The following CFAP96 variants were observed in gnomAD, a reference collection of about 807,000 sequenced individuals.
The protein encoded by CFAP96 is cilia-and flagella-associated protein 96.
At chr4:185,445,073 C>T in the CFAP96 span, 4 of 1,551,554 alleles carry the variant, frequency 2.6e-6, no homozygotes, top group African/African-American at 1.4e-5. Flanking sequence ...ATTTTCCACC[C>T]ACCAAGTGGA....
At chr4:185,438,607 A>G in the CFAP96 span, among the ~76,000 whole-genome samples, 1 of 152,048 alleles carries the variant, frequency 6.6e-6, no homozygotes, top group African/African-American at 2.4e-5. Flanking sequence ...AGTTACTGGC[A>G]ATTTTTTTAT....
chr4:185,445,146 A>G, the CFAP96 span: 2 of 1,542,664 alleles, frequency 1.3e-6, no homozygotes, highest in Non-Finnish European at 1.8e-6. Context: ...AATATCTTAC[A>G]CTTAGCTTAC....
chr4:185,447,401 T>C, the CFAP96 span, among the ~76,000 whole-genome samples: 1,278 of 152,168 alleles, frequency 8.4e-3, 21 homozygotes, highest in South Asian at 0.04. Context: ...AGGATGGACT[T>C]GATCTCCTGA....
the CFAP96 span, chr4:185,418,430 A>G: frequency 1 from 1,587,328 of 1,589,852 alleles, 792,428 homozygotes; most frequent in East Asian, 1. Flanking sequence ...GAAGACAGAT[A>G]GTTTGCTTAC....
At chr4:185,417,414 C>A in the CFAP96 span, among the ~76,000 whole-genome samples, 1 of 152,184 alleles carries the variant, frequency 6.6e-6, no homozygotes, top group Admixed American at 6.5e-5. Context: ...CCCAAACCAA[C>A]TTCATGTCCT....
At chr4:185,434,919 T>C in the CFAP96 span, among the ~76,000 whole-genome samples, 3 of 152,088 alleles carry the variant, frequency 2.0e-5, no homozygotes, top group African/African-American at 4.8e-5. Context: ...TTTTTGTGTT[T>C]TTAGTAGAGA....
the CFAP96 span, chr4:185,445,102 G>GAA: frequency 6.4e-7 from 1 of 1,551,578 alleles, no homozygotes; most frequent in Non-Finnish European, 8.7e-7. Context: ...CAGACCAGTT[G>GAA]AAAGTATAAT....
the CFAP96 span, among the ~76,000 whole-genome samples, chr4:185,439,835 T>C: frequency 6.8e-6 from 1 of 146,208 alleles, no homozygotes; most frequent in Non-Finnish European, 1.5e-5. Flanking sequence ...ATATACATAA[T>C]CTCATATATA....
chr4:185,413,875 AAAAT>A, the CFAP96 span: 1 of 1,588,388 alleles, frequency 6.3e-7, no homozygotes. Context: ...TGTAACTCCT[AAAAT>A]AAATCAGAAT....
chr4:185,447,216 C>G, the CFAP96 span, among the ~76,000 whole-genome samples: 2 of 149,350 alleles, frequency 1.3e-5, no homozygotes, highest in East Asian at 2.0e-4. Context: ...GAGTCTCACT[C>G]TGTCGCCCAG....
chr4:185,416,606 A>ATG, the CFAP96 span, among the ~76,000 whole-genome samples: 2 of 151,844 alleles, frequency 1.3e-5, no homozygotes, highest in Non-Finnish European at 2.9e-5. Context: ...TGAACGTGTT[A>ATG]TGTGTGTGTG....
the CFAP96 span, chr4:185,432,049 T>A: frequency 6.4e-7 from 1 of 1,551,648 alleles, no homozygotes; most frequent in Non-Finnish European, 8.7e-7. Flanking sequence ...AAATGTCAGA[T>A]CTTCAGGCAG....
chr4:185,422,615 A>C, the CFAP96 span: 10 of 1,202,762 alleles, frequency 8.3e-6, no homozygotes, highest in Non-Finnish European at 1.2e-5. Context: ...AAACAAACTC[A>C]TATTCATATA....
the CFAP96 span, among the ~76,000 whole-genome samples, chr4:185,439,866 A>G: frequency 1.3e-4 from 19 of 147,716 alleles, no homozygotes; most frequent in Admixed American, 1.2e-3. Context: ...GTTTTTTTAA[A>G]TTATAAAAAT....
the CFAP96 span, among the ~76,000 whole-genome samples, chr4:185,410,191 T>C: frequency 1.3e-5 from 2 of 151,900 alleles, no homozygotes; most frequent in East Asian, 3.9e-4. Flanking sequence ...TCTGACATAT[T>C]TGGACATTAA....
At chr4:185,429,985 A>G in the CFAP96 span, among the ~76,000 whole-genome samples, 1 of 152,186 alleles carries the variant, frequency 6.6e-6, no homozygotes. Context: ...AGGTGATTTT[A>G]TGAGAATAGG....
At chr4:185,421,966 A>G in the CFAP96 span, among the ~76,000 whole-genome samples, 1 of 152,224 alleles carries the variant, frequency 6.6e-6, no homozygotes, top group Non-Finnish European at 1.5e-5. Context: ...TCTCAAACAC[A>G]GCTCATCCCA....
At chr4:185,443,776 A>G in the CFAP96 span, among the ~76,000 whole-genome samples, 1 of 152,064 alleles carries the variant, frequency 6.6e-6, no homozygotes, top group East Asian at 1.9e-4. Flanking sequence ...TAACTTATGT[A>G]TTTCTATTTT....
At chr4:185,425,457 G>T in the CFAP96 span, among the ~76,000 whole-genome samples, 1 of 152,124 alleles carries the variant, frequency 6.6e-6, no homozygotes, top group Non-Finnish European at 1.5e-5. Flanking sequence ...TTTAGGATAG[G>T]GATTGGAGAA....
Sources: gnomAD v4.1 joint callset for allele counts (sites outside exome capture counted in the v4.1 genomes callset) on GRCh38, gnomAD v4.1.1 for gene constraint, MANE v1.5 for transcripts, NCBI Gene and HGNC (gene_info 2026-07-23, HGNC 2026-07-21) for gene names.